The following WWP1 variants were observed in gnomAD, a reference collection of about 807,000 sequenced individuals.
WWP1 encodes the protein NEDD4-like E3 ubiquitin-protein ligase WWP1.
Under a neutral mutation model 130.6 loss-of-function variants are expected in WWP1, and 49 were observed. The observed-to-expected ratio is 0.38, with a 90% CI of 0.30 to 0.48. The LOEUF (loss-of-function observed/expected upper bound fraction) is 0.48. Among genes scored for constraint, WWP1 ranks in the 20% least tolerant of loss-of-function variants. The probability of loss-of-function intolerance (pLI) is 0.99; values close to 1 mark genes in which losing one functional copy is unlikely to be tolerated. For missense variants in WWP1, 809 were observed against 1,100.6 expected (o/e 0.74, Z 3.75); for synonymous variants, 332 against 367.8 (o/e 0.90, Z 1.11).
intron 14 of WWP1, 118 bp from the exon 15 acceptor site, chr8:86,435,334 C>A (rs530620832): frequency 1.9e-6 from 2 of 1,066,346 alleles, no homozygotes; most frequent in East Asian, 2.6e-5. Context: ...ACCCTTCTCT[C>A]CCAGCAGAAA....
chr8:86,383,669 A>G (rs1825116022), intron 5 of WWP1, among the ~76,000 whole-genome samples: 1 of 152,188 alleles, frequency 6.6e-6, no homozygotes, highest in Non-Finnish European at 1.5e-5. Context: ...TTGAACTGGG[A>G]GACGGAGGTT....
intron 21 of WWP1, among the ~76,000 whole-genome samples, chr8:86,456,605 T>A (rs1029118545): frequency 6.6e-6 from 1 of 151,978 alleles, no homozygotes; most frequent in African/African-American, 2.4e-5. Context: ...GTTAGGTGTT[T>A]ATCAAAATGA....
At chr8:86,390,680 CG>C (rs1807268177) in intron 5 of WWP1, among the ~76,000 whole-genome samples, 1 of 126,662 alleles carries the variant, frequency 7.9e-6, no homozygotes, top group Admixed American at 8.9e-5. Flanking sequence ...AGAGGGAGAC[CG>C]TGGAAAGTGG....
intron 5 of WWP1, among the ~76,000 whole-genome samples, chr8:86,385,486 A>G (rs927207774): frequency 6.6e-6 from 1 of 152,184 alleles, no homozygotes; most frequent in Non-Finnish European, 1.5e-5. Context: ...ATTTCTGGCA[A>G]GACATTTTTT....
At chr8:86,370,510 G>C (rs1218137920) in intron 2 of WWP1, among the ~76,000 whole-genome samples, 1 of 152,122 alleles carries the variant, frequency 6.6e-6, no homozygotes, top group Non-Finnish European at 1.5e-5. Context: ...GACCTTAGCA[G>C]TTCTTTACTG....
chr8:86,352,862 C>T (rs1823020635), intron 1 of WWP1, among the ~76,000 whole-genome samples: 1 of 152,194 alleles, frequency 6.6e-6, no homozygotes, highest in South Asian at 2.1e-4. Context: ...GTCCATTAGG[C>T]TTCCTTGTTC....
intron 3 of WWP1, among the ~76,000 whole-genome samples, chr8:86,378,487 TC>T (rs1824798046): frequency 3.9e-5 from 6 of 152,158 alleles, no homozygotes; most frequent in Admixed American, 3.9e-4. Context: ...TGACTCATTT[TC>T]TGATAGTTTA....
At chr8:86,445,787 CT>C (rs891582395) in intron 18 of WWP1, among the ~76,000 whole-genome samples, 1 of 151,708 alleles carries the variant, frequency 6.6e-6, no homozygotes, top group Admixed American at 6.6e-5. Flanking sequence ...GTATATGTCT[CT>C]TTTTTTTCTG....
rs769910341 is a variant in WWP1 at position 86,431,368 on chromosome 8, A to C, written c.1388-38A>C. On this transcript the variant is annotated intron_variant, in intron 12 of 24. Transcript: ENST00000517970. ...GTTCCTTATTTTATATATAGATCCTAAATAGTTATTAAATATTATACTCAC... is the reference window on the plus strand; with the variant it reads ...GTTCCTTATTTTATATATAGATCCTCAATAGTTATTAAATATTATACTCAC... 9 of 1,188,848 alleles carry C rather than the reference A, an allele frequency of 7.6e-6. 1 individual carries two copies. In the South Asian group the frequency reaches 1.5e-4, roughly 20 times the overall value. 73.6% of individuals were successfully genotyped at this position (1,188,848 alleles called of 1,614,324 possible). A position where few individuals can be genotyped will look rare whatever the true frequency, so the allele number is the denominator to read the frequency against.
At chr8:86,437,703 A>G (rs1810370444) in intron 16 of WWP1, among the ~76,000 whole-genome samples, 1 of 152,238 alleles carries the variant, frequency 6.6e-6, no homozygotes, top group Non-Finnish European at 1.5e-5. Context: ...CTGAATTACT[A>G]ATACCTACCA....
At chr8:86,345,661 C>G (rs1349196899) in intron 1 of WWP1, among the ~76,000 whole-genome samples, 2 of 152,094 alleles carry the variant, frequency 1.3e-5, no homozygotes, top group Non-Finnish European at 2.9e-5. Context: ...ATCAGCTTGC[C>G]TTGGCCTTCC....
intron 18 of WWP1, among the ~76,000 whole-genome samples, chr8:86,447,178 T>G (rs1810928193): frequency 6.6e-6 from 1 of 152,232 alleles, no homozygotes; most frequent in South Asian, 2.1e-4. Context: ...ATTGCCTAGG[T>G]ACAGGCATTG....
intron 21 of WWP1, among the ~76,000 whole-genome samples, chr8:86,457,038 A>G (rs889225688): frequency 1.3e-5 from 2 of 151,964 alleles, no homozygotes; most frequent in Non-Finnish European, 2.9e-5. Flanking sequence ...GAAATATTCT[A>G]TATCTTGATT....
intron 24 of WWP1, among the ~76,000 whole-genome samples, chr8:86,463,745 G>A (rs1246829322): frequency 2.0e-5 from 3 of 151,882 alleles, no homozygotes; most frequent in Non-Finnish European, 4.4e-5. Flanking sequence ...ACAAAATGAC[G>A]CATGGGTAAA....
chr8:86,368,786 G>A (rs1003449404), intron 1 of WWP1, among the ~76,000 whole-genome samples, 153 bp from the exon 2 acceptor site: 27 of 152,202 alleles, frequency 1.8e-4, no homozygotes, highest in African/African-American at 5.8e-4. Flanking sequence ...ACTTCAAGAC[G>A]CAGTTCTCTC....
chr8:86,450,983 G>A (rs1197083141), intron 20 of WWP1, among the ~76,000 whole-genome samples: 1 of 151,664 alleles, frequency 6.6e-6, no homozygotes, highest in East Asian at 1.9e-4. Flanking sequence ...AGGCCGAGGT[G>A]GGTGGATCAC....
At chr8:86,432,322 C>T (rs1424313763) in intron 14 of WWP1, among the ~76,000 whole-genome samples, 1 of 152,108 alleles carries the variant, frequency 6.6e-6, no homozygotes, top group East Asian at 1.9e-4. Context: ...CAAAGTTGTA[C>T]CACCATATCT....
In WWP1 at chr8:86,422,656, A is replaced by T. The variant is rs149435326; in HGVS notation, c.1062-2567A>T. On this transcript the variant is annotated intron_variant, in intron 9 of 24. Coordinates refer to ENST00000517970, the MANE Select transcript of WWP1 (RefSeq NM_007013.4). ...CCAAAGTGCTGGGATTACAGGTGTG[A>T]GCCACCACGCCCGGCCCACCAGTTT... 2.6e-3 allele frequency among the ~76,000 whole-genome samples: 400 copies of T among 152,104 alleles called. 2 individuals are homozygous for T. Among genetic ancestry groups the T allele is most frequent in the South Asian group, 6.8e-3 (33 of 4,818 alleles).
At chr8:86,417,292 A>G (rs531420120) in intron 9 of WWP1, 1 of 152,316 alleles carries the variant, frequency 6.6e-6, no homozygotes, top group East Asian at 1.9e-4. Context: ...AAGTACCTAC[A>G]TAATCATCTT....
Sources: gnomAD v4.1 joint callset for allele counts (sites outside exome capture counted in the v4.1 genomes callset) on GRCh38, gnomAD v4.1.1 for gene constraint, MANE v1.5 for transcripts, NCBI Gene and HGNC (gene_info 2026-07-23, HGNC 2026-07-21) for gene names.